Variants in SLC24A3 observed in about 807,000 individuals in gnomAD.
SLC24A3 encodes the protein sodium/potassium/calcium exchanger 3.
A neutral mutation model predicts 75.8 loss-of-function variants in SLC24A3; 28 were observed. That is an observed-to-expected ratio of 0.37 (90% CI 0.27 to 0.51). SLC24A3 has a LOEUF of 0.51. Ranked by LOEUF, SLC24A3 falls within the 20% of genes least tolerant of loss-of-function variation. The pLI is 0.94. For missense variants in SLC24A3, 663 were observed against 847.8 expected, an observed-to-expected ratio of 0.78 and a Z score of 2.71; for synonymous variants, 372 against 334.1, an observed-to-expected ratio of 1.11 and a Z score of -1.24.
At chr20:19,293,064 G>A (rs1983979079) in intron 2 of SLC24A3, among the ~76,000 whole-genome samples, 1 of 131,398 alleles carries the variant, frequency 7.6e-6, no homozygotes, top group African/African-American at 2.7e-5. Context: ...AATTTGGGGG[G>A]AACATAAGCA....
At chr20:19,360,113 C>G (rs958245450) in intron 2 of SLC24A3, among the ~76,000 whole-genome samples, 29 of 152,266 alleles carry the variant, frequency 1.9e-4, no homozygotes, top group African/African-American at 6.7e-4. Context: ...GTGCTAACAC[C>G]GTGCTAATAG....
intron 3 of SLC24A3, among the ~76,000 whole-genome samples, chr20:19,535,374 G>C: frequency 6.6e-6 from 1 of 152,210 alleles, no homozygotes; most frequent in Admixed American, 6.5e-5. Flanking sequence ...TGGACAGTTA[G>C]TTGGCTGTCA....
intron 6 of SLC24A3, among the ~76,000 whole-genome samples, chr20:19,619,566 T>A (rs866797404): frequency 2.1e-4 from 32 of 152,320 alleles, no homozygotes; most frequent in Middle Eastern, 6.8e-3. Context: ...GAGTAACTTT[T>A]TAAGCAACTG....
chr20:19,509,909 A>G (rs1438890689), intron 2 of SLC24A3, among the ~76,000 whole-genome samples: 1 of 152,212 alleles, frequency 6.6e-6, no homozygotes, highest in Non-Finnish European at 1.5e-5. Context: ...TGAGCCCCAC[A>G]TTTCCAGATT....
intron 2 of SLC24A3, among the ~76,000 whole-genome samples, chr20:19,505,877 G>C (rs982443771): frequency 2.6e-5 from 4 of 152,216 alleles, no homozygotes; most frequent in Non-Finnish European, 5.9e-5. Context: ...TAGGGCCCCA[G>C]GACTGTGGGC....
chr20:19,323,546 C>A (rs1181667196), intron 2 of SLC24A3, among the ~76,000 whole-genome samples: 1 of 152,168 alleles, frequency 6.6e-6, no homozygotes, highest in East Asian at 1.9e-4. Flanking sequence ...CAGGACTAGA[C>A]CTTCATATCC....
At chr20:19,489,626 T>G (rs1296062762) in intron 2 of SLC24A3, among the ~76,000 whole-genome samples, 1 of 152,186 alleles carries the variant, frequency 6.6e-6, no homozygotes, top group Non-Finnish European at 1.5e-5. Flanking sequence ...TTCCAGTATA[T>G]GACCAGCCAG....
intron 6 of SLC24A3, among the ~76,000 whole-genome samples, chr20:19,650,759 C>T (rs762064038): frequency 6.6e-6 from 1 of 152,222 alleles, no homozygotes; most frequent in African/African-American, 2.4e-5. Flanking sequence ...CATTAATACA[C>T]AATGGTTCAT....
chr20:19,440,551 T>C (rs956365020), intron 2 of SLC24A3, among the ~76,000 whole-genome samples: 2 of 151,876 alleles, frequency 1.3e-5, no homozygotes, highest in Admixed American at 1.3e-4. Context: ...AGAGAGAGGG[T>C]GCCGACAACG....
chr20:19,631,791 A>AGTGTGTGTGTGTGTGTGTGT lies in SLC24A3; in HGVS notation c.613-22258_613-22239dup, dbSNP rs148278633. ...CTCTGTATCTGTGTGTATGAGTGAG[A>AGTGTGTGTGTGTGTGTGTGT]GTGTGTGTGTGTGTGTGTGTGTGTG... On this transcript the variant is annotated intron_variant, in intron 6 of 16. Coordinates refer to ENST00000328041, the MANE Select transcript of SLC24A3 (RefSeq NM_020689.4). Among the ~76,000 whole-genome samples the AGTGTGTGTGTGTGTGTGTGT allele has an allele frequency of 7.6e-4, 112 of 147,936 alleles. 1 individual carries two copies. The highest frequency in any genetic ancestry group is 2.7e-3 in the African/African-American group (109 of 39,730).
At chr20:19,466,788 C>T (rs1375307968) in intron 2 of SLC24A3, among the ~76,000 whole-genome samples, 1 of 152,122 alleles carries the variant, frequency 6.6e-6, no homozygotes, top group Non-Finnish European at 1.5e-5. Context: ...TTCGAATGTA[C>T]AGAGATTCTG....
intron 6 of SLC24A3, among the ~76,000 whole-genome samples, chr20:19,592,407 A>G (rs937366319): frequency 3.9e-5 from 6 of 152,246 alleles, no homozygotes; most frequent in Non-Finnish European, 8.8e-5. Context: ...CCAAATCAAT[A>G]GTGGGTAGAG....
intron 15 of SLC24A3, among the ~76,000 whole-genome samples, chr20:19,712,977 G>A (rs1172228178): frequency 6.6e-6 from 1 of 152,228 alleles, no homozygotes; most frequent in Non-Finnish European, 1.5e-5. Flanking sequence ...TTACAGAAGG[G>A]CACCTGAGAA....
At chr20:19,587,868 CA>C (rs2031320835) in intron 6 of SLC24A3, among the ~76,000 whole-genome samples, 1 of 152,182 alleles carries the variant, frequency 6.6e-6, no homozygotes, top group South Asian at 2.1e-4. Context: ...AAGTCAGTCT[CA>C]GTTAGACACC....
At chr20:19,687,196 G>A (rs1005204694) in intron 12 of SLC24A3, among the ~76,000 whole-genome samples, 1 of 152,152 alleles carries the variant, frequency 6.6e-6, no homozygotes, top group Admixed American at 6.5e-5. Flanking sequence ...ACCAGGCACC[G>A]GTTCATTGCG....
intron 2 of SLC24A3, among the ~76,000 whole-genome samples, chr20:19,377,977 C>G (rs1986114918): frequency 6.6e-6 from 1 of 152,210 alleles, no homozygotes; most frequent in African/African-American, 2.4e-5. Context: ...GCCACAGTGA[C>G]AGCCGAGGAG....
At chr20:19,542,262 T>C (rs2030512218) in intron 3 of SLC24A3, among the ~76,000 whole-genome samples, 2 of 152,338 alleles carry the variant, frequency 1.3e-5, no homozygotes, top group South Asian at 4.1e-4. Context: ...ATATGTTTAC[T>C]AGGTATTGAA....
At chr20:19,643,516 T>C (rs1238255920) in intron 6 of SLC24A3, among the ~76,000 whole-genome samples, 1 of 152,202 alleles carries the variant, frequency 6.6e-6, no homozygotes, top group African/African-American at 2.4e-5. Flanking sequence ...TTTTAATTTT[T>C]AGAGAGATGA....
At chr20:19,321,367 C>G (rs997266952) in intron 2 of SLC24A3, among the ~76,000 whole-genome samples, 1 of 152,148 alleles carries the variant, frequency 6.6e-6, no homozygotes, top group African/African-American at 2.4e-5. Flanking sequence ...ATGGACTAAG[C>G]GTTTCCCAAG....
Sources: gnomAD v4.1 joint callset for allele counts (sites outside exome capture counted in the v4.1 genomes callset) on GRCh38, gnomAD v4.1.1 for gene constraint, MANE v1.5 for transcripts, NCBI Gene and HGNC (gene_info 2026-07-23, HGNC 2026-07-21) for gene names.